The following EPHB1 variants were observed in gnomAD, a reference collection of about 807,000 sequenced individuals.
The protein encoded by EPHB1 is EPH receptor B1, also known as ephrin type-B receptor 1.
Under a neutral mutation model 94.4 loss-of-function variants are expected in EPHB1, and 30 were observed. The ratio of observed to expected loss-of-function variants is 0.32; its 90% CI spans 0.24 to 0.43. The LOEUF is 0.43. Ranked by LOEUF, EPHB1 falls within the 20% of genes least tolerant of loss-of-function variation. The probability of loss-of-function intolerance (pLI) is 1.00; values close to 1 mark genes in which losing one functional copy is unlikely to be tolerated. For synonymous variants in EPHB1, 522 were observed against 489.1 expected, an observed-to-expected ratio of 1.07 and a Z score of -0.89; for missense variants, 1,055 against 1,308.3, an observed-to-expected ratio of 0.81 and a Z score of 2.99.
At chr3:135,240,375 TG>T (rs1286230315) in intron 12 of EPHB1, among the ~76,000 whole-genome samples, 1 of 152,114 alleles carries the variant, frequency 6.6e-6, no homozygotes, top group Non-Finnish European at 1.5e-5. Context: ...GGCTAAGGTC[TG>T]GCAGACAAGC....
At chr3:135,066,227 G>A (rs1937578887) in intron 3 of EPHB1, among the ~76,000 whole-genome samples, 2 of 152,218 alleles carry the variant, frequency 1.3e-5, no homozygotes, top group African/African-American at 4.8e-5. Context: ...TGAGCTGCTT[G>A]TAGTTGGATG....
At chr3:135,103,868 C>G (rs913351759) in intron 3 of EPHB1, among the ~76,000 whole-genome samples, 2 of 152,220 alleles carry the variant, frequency 1.3e-5, no homozygotes, top group Admixed American at 6.5e-5. Context: ...TTCAGAGACT[C>G]AGTCACCCAG....
At chr3:134,821,546 G>A (rs2036380971) in intron 1 of EPHB1, among the ~76,000 whole-genome samples, 1 of 152,216 alleles carries the variant, frequency 6.6e-6, no homozygotes, top group East Asian at 1.9e-4. Flanking sequence ...GACAGAATTA[G>A]TGGTGAAAAA....
chr3:134,872,419 T>C (rs1485685311), intron 1 of EPHB1, among the ~76,000 whole-genome samples: 2 of 152,246 alleles, frequency 1.3e-5, no homozygotes, highest in East Asian at 3.8e-4. Flanking sequence ...GTACAATTAA[T>C]CAGACTGTAA....
chr3:134,973,463 C>T (rs549525934), intron 3 of EPHB1, among the ~76,000 whole-genome samples: 105 of 126,370 alleles, frequency 8.3e-4, no homozygotes, highest in African/African-American at 3.1e-3. Context: ...TAGAGTCTCA[C>T]TCCCGTTGCT....
chr3:135,013,730 GGTAACCAGAGGCTAAA>G (rs1369344970), intron 3 of EPHB1, among the ~76,000 whole-genome samples: 2 of 152,164 alleles, frequency 1.3e-5, no homozygotes, highest in Non-Finnish European at 2.9e-5. Context: ...AACCTCCCTT[GGTAACCAGAGGCTAAA>G]GTTACAACTG....
At chr3:135,217,850 TG>T (rs1468553586) in intron 12 of EPHB1, among the ~76,000 whole-genome samples, 9 of 152,190 alleles carry the variant, frequency 5.9e-5, no homozygotes, top group African/African-American at 2.2e-4. Flanking sequence ...TGTAAGAAGT[TG>T]CTTCTCAGTC....
At chr3:135,068,370 T>C (rs1005251371) in intron 3 of EPHB1, among the ~76,000 whole-genome samples, 1 of 152,206 alleles carries the variant, frequency 6.6e-6, no homozygotes, top group Non-Finnish European at 1.5e-5. Context: ...GCCTTCCCTG[T>C]AGGTATGAAG....
At chr3:134,799,954 G>A (rs910238210) in intron 1 of EPHB1, among the ~76,000 whole-genome samples, 2 of 152,170 alleles carry the variant, frequency 1.3e-5, no homozygotes, top group Non-Finnish European at 2.9e-5. Context: ...TCTAGCATGT[G>A]TGCTTCCTAT....
chr3:134,882,765 C>T (rs9681136), intron 1 of EPHB1, among the ~76,000 whole-genome samples: 10,256 of 79,558 alleles, frequency 0.13, 1,205 homozygotes, highest in African/African-American at 0.27. Flanking sequence ...TTCCTTCCTT[C>T]CTTTCTTTCT....
At chr3:135,104,042 G>A (rs1939119508) in intron 3 of EPHB1, among the ~76,000 whole-genome samples, 1 of 152,210 alleles carries the variant, frequency 6.6e-6, no homozygotes, top group Admixed American at 6.5e-5. Flanking sequence ...TTGTTGGACT[G>A]GTACATTAAG....
intron 3 of EPHB1, among the ~76,000 whole-genome samples, chr3:135,064,227 T>C (rs554697651): frequency 6.6e-6 from 1 of 152,100 alleles, no homozygotes; most frequent in East Asian, 1.9e-4. Flanking sequence ...TTAGGGAGGG[T>C]TCCACCTTTT....
At chr3:134,919,802 A>G (rs1265591676) in intron 1 of EPHB1, among the ~76,000 whole-genome samples, 1 of 151,946 alleles carries the variant, frequency 6.6e-6, no homozygotes, top group Non-Finnish European at 1.5e-5. Flanking sequence ...ATTATTTAAT[A>G]TATCCCACTC....
intron 3 of EPHB1, among the ~76,000 whole-genome samples, chr3:135,085,236 A>T (rs2107788752): frequency 6.6e-6 from 1 of 152,340 alleles, no homozygotes; most frequent in Non-Finnish European, 1.5e-5. Context: ...CAATGAGAGC[A>T]ACCCTGACTT....
intron 3 of EPHB1, among the ~76,000 whole-genome samples, chr3:135,010,474 T>C (rs1257492088): frequency 6.6e-6 from 1 of 152,088 alleles, no homozygotes; most frequent in Non-Finnish European, 1.5e-5. Flanking sequence ...TTAAAGAGTA[T>C]ATTAAGTGCT....
intron 5 of EPHB1, among the ~76,000 whole-genome samples, chr3:135,134,875 G>A (rs1362081955): frequency 1.3e-5 from 2 of 151,848 alleles, no homozygotes; most frequent in Non-Finnish European, 1.5e-5. Flanking sequence ...CACTTATATC[G>A]GTTTGCTTTT....
intron 3 of EPHB1, among the ~76,000 whole-genome samples, chr3:135,047,894 C>T (rs769794848): frequency 1.3e-5 from 2 of 152,072 alleles, no homozygotes; most frequent in Non-Finnish European, 2.9e-5. Context: ...ACAGGACAGC[C>T]CCTCCCCCTA....
Position 135,089,080 on chromosome 3 carries a change from A to G in EPHB1, c.806-17368A>G, listed in dbSNP as rs1938469140. On this transcript the variant is annotated intron_variant, in intron 3 of 15. Coordinates refer to ENST00000398015, the MANE Select transcript of EPHB1 (RefSeq NM_004441.5). The stretch of plus-strand genomic sequence containing the variant: ...CTCTAAGTAGTAGAGTCTGTAACTG[A>G]AGCTGGTACTCCTTTCTCCAGGAAG... Among the ~76,000 whole-genome samples the G allele has an allele frequency of 2.0e-5, 3 of 152,242 alleles. No individual in the cohort carries two copies. In the South Asian group the frequency reaches 6.2e-4, roughly 31 times the overall value.
intron 3 of EPHB1, among the ~76,000 whole-genome samples, chr3:134,975,316 G>C (rs1302868070): frequency 6.6e-6 from 1 of 152,132 alleles, no homozygotes; most frequent in Admixed American, 6.5e-5. Flanking sequence ...AGAGAGCCTT[G>C]GGCAGGGCAG....
Sources: gnomAD v4.1 joint callset for allele counts (sites outside exome capture counted in the v4.1 genomes callset) on GRCh38, gnomAD v4.1.1 for gene constraint, MANE v1.5 for transcripts, NCBI Gene and HGNC (gene_info 2026-07-23, HGNC 2026-07-21) for gene names.